The following MLLT3 variants were observed in gnomAD, a reference collection of about 807,000 sequenced individuals.
The protein encoded by MLLT3 is protein AF-9.
In MLLT3, 4 loss-of-function variants were observed where a neutral mutation model predicts 53.2. The observed-to-expected ratio is 0.08, with a 90% CI of 0.04 to 0.17. The LOEUF (loss-of-function observed/expected upper bound fraction) is 0.17. MLLT3 is among the 10% of genes least tolerant of loss of function. The pLI, the probability that MLLT3 is intolerant of heterozygous loss-of-function variation, is 1.00. For synonymous variants in MLLT3, 283 were observed against 230.6 expected (o/e 1.23, Z -2.06); for missense variants, 569 against 684.0 (o/e 0.83, Z 1.87).
At chr9:20,395,230 A>T (rs1822292633) in intron 5 of MLLT3, among the ~76,000 whole-genome samples, 1 of 152,202 alleles carries the variant, frequency 6.6e-6, no homozygotes, top group East Asian at 1.9e-4. Flanking sequence ...CTCCAACTCC[A>T]TACTGGGTAT....
chr9:20,406,186 G>C (rs1333223086), intron 5 of MLLT3, among the ~76,000 whole-genome samples: 3 of 152,066 alleles, frequency 2.0e-5, no homozygotes, highest in Non-Finnish European at 4.4e-5. Context: ...GAGGCAGGAG[G>C]ATCACTAGAG....
intron 9 of MLLT3, among the ~76,000 whole-genome samples, chr9:20,354,000 A>C (rs1428635108): frequency 6.6e-6 from 1 of 152,188 alleles, no homozygotes; most frequent in Non-Finnish European, 1.5e-5. Context: ...AAGAGAAAAA[A>C]ATTCTAAGTT....
intron 8 of MLLT3, among the ~76,000 whole-genome samples, chr9:20,356,896 T>A (rs1169711516): frequency 2.6e-5 from 4 of 152,192 alleles, no homozygotes; most frequent in Admixed American, 1.3e-4. Flanking sequence ...GCTCCGGGTG[T>A]CAGTGACCCG....
At chr9:20,507,653 T>C (rs1587005954) in intron 2 of MLLT3, among the ~76,000 whole-genome samples, 1 of 151,682 alleles carries the variant, frequency 6.6e-6, no homozygotes, top group East Asian at 1.9e-4. Flanking sequence ...CATGCAAGAA[T>C]TTGCTTATTA....
chr9:20,563,855 T>C (rs1337773635), intron 2 of MLLT3, among the ~76,000 whole-genome samples: 2 of 152,110 alleles, frequency 1.3e-5, no homozygotes, highest in Admixed American at 1.3e-4. Flanking sequence ...ACAGAATCTG[T>C]AAAAGAAGAA....
At chr9:20,419,420 A>G (rs1415643681) in intron 4 of MLLT3, among the ~76,000 whole-genome samples, 1 of 151,998 alleles carries the variant, frequency 6.6e-6, no homozygotes, top group African/African-American at 2.4e-5. Flanking sequence ...TCCAGAAGGA[A>G]GAAAGAGAAA....
intron 8 of MLLT3, among the ~76,000 whole-genome samples, chr9:20,357,978 T>TGC (rs200815094): frequency 3.7e-4 from 52 of 139,378 alleles, no homozygotes; most frequent in South Asian, 1.4e-3. Flanking sequence ...CCCTCCCTCC[T>TGC]GCGCACACAC....
chr9:20,522,323 C>T (rs1818083728), intron 2 of MLLT3, among the ~76,000 whole-genome samples: 1 of 150,750 alleles, frequency 6.6e-6, no homozygotes, highest in South Asian at 2.1e-4. Context: ...TAAAATAGTT[C>T]TGTGCTGTAT....
chr9:20,583,453 G>A (rs1056877488), intron 2 of MLLT3, among the ~76,000 whole-genome samples: 11 of 152,176 alleles, frequency 7.2e-5, no homozygotes, highest in African/African-American at 2.7e-4. Context: ...TAGGGACTCT[G>A]TGTGGGGGCT....
intron 5 of MLLT3, among the ~76,000 whole-genome samples, chr9:20,388,558 G>A (rs1285820094): frequency 1.3e-5 from 2 of 152,038 alleles, no homozygotes; most frequent in Non-Finnish European, 2.9e-5. Flanking sequence ...ACTGCACTAT[G>A]GCCTGGGTGA....
intron 4 of MLLT3, among the ~76,000 whole-genome samples, chr9:20,435,912 G>A (rs982712928): frequency 1.3e-5 from 2 of 151,946 alleles, no homozygotes; most frequent in African/African-American, 4.8e-5. Flanking sequence ...GACTGTACAC[G>A]CATGGCGGGG....
At chr9:20,396,141 T>G (rs1822316434) in intron 5 of MLLT3, among the ~76,000 whole-genome samples, 1 of 149,624 alleles carries the variant, frequency 6.7e-6, no homozygotes, top group Non-Finnish European at 1.5e-5. Context: ...AAATGCCTAC[T>G]ATAAACCATA....
intron 2 of MLLT3, among the ~76,000 whole-genome samples, chr9:20,612,974 C>T (rs901498269): frequency 1.3e-5 from 2 of 152,176 alleles, no homozygotes; most frequent in African/African-American, 4.8e-5. Context: ...CACAAGGTAA[C>T]ATGCACAAAG....
intron 2 of MLLT3, among the ~76,000 whole-genome samples, chr9:20,614,004 T>C (rs796116231): frequency 8.5e-5 from 13 of 152,226 alleles, no homozygotes; most frequent in African/African-American, 3.1e-4. Context: ...GTATAATAAA[T>C]CCATATACAA....
intron 5 of MLLT3, among the ~76,000 whole-genome samples, chr9:20,385,393 A>C (rs1438892477): frequency 6.6e-6 from 1 of 152,196 alleles, no homozygotes; most frequent in Non-Finnish European, 1.5e-5. Flanking sequence ...CATCTGTTCC[A>C]TGATATTTTG....
chr9:20,566,009 TA>T (rs1473878181), intron 2 of MLLT3, among the ~76,000 whole-genome samples: 47 of 132,036 alleles, frequency 3.6e-4, no homozygotes, highest in Non-Finnish European at 4.6e-4. Flanking sequence ...TTTATATATA[TA>T]TTTTTATATA....
intron 5 of MLLT3, among the ~76,000 whole-genome samples, chr9:20,383,996 ACTT>A (rs1821968738): frequency 6.6e-6 from 1 of 152,006 alleles, no homozygotes; most frequent in Non-Finnish European, 1.5e-5. Context: ...AGAAAGTGAA[ACTT>A]ATTTAGGGCA....
At chr9:20,359,774 T>C (rs951701728) in intron 8 of MLLT3, among the ~76,000 whole-genome samples, 1 of 152,338 alleles carries the variant, frequency 6.6e-6, no homozygotes, top group East Asian at 1.9e-4. Flanking sequence ...AAAAACACAG[T>C]TGTTTAGTTT....
rs1587133968 is a variant in MLLT3 at position 20,345,289 on chromosome 9, T to C, written c.*1154A>G. 4.6e-6 allele frequency: 1 copy of C among 215,148 alleles called. No individual in the cohort carries two copies. The highest frequency in any genetic ancestry group is 1.9e-4 in the South Asian group (1 of 5,346). The allele number at this position is 215,148 out of a possible 1,614,324, so 13.3% of individuals were successfully genotyped here. ...TTATGGCAGAATAACCAAGAATTTT[T>C]CCCCAAAGAAAGATTTTAATTTTTT... On this transcript the variant is annotated 3_prime_UTR_variant, in exon 11 of 11. Transcript: ENST00000380338.
Sources: allele counts gnomAD v4.1 joint callset (sites outside exome capture counted in the v4.1 genomes callset), GRCh38; gene constraint gnomAD v4.1.1; transcripts MANE v1.5; gene names NCBI Gene and HGNC (gene_info 2026-07-23, HGNC 2026-07-21).